The following N4BP2 variants were observed in gnomAD, a reference collection of about 807,000 sequenced individuals.
N4BP2 encodes NEDD4-binding protein 2.
A neutral mutation model predicts 152.8 loss-of-function variants in N4BP2; 91 were observed. That is an observed-to-expected ratio of 0.60 (90% CI 0.50 to 0.71). N4BP2 has a LOEUF of 0.71. Among genes scored for constraint, N4BP2 ranks in the 30% least tolerant of loss-of-function variants. The pLI, the probability that N4BP2 is intolerant of heterozygous loss-of-function variation, is 0.00. For missense variants in N4BP2, 1,923 were observed against 2,059.1 expected (o/e 0.93, Z 1.28); for synonymous variants, 646 against 705.3 (o/e 0.92, Z 1.33).
rs540819078 is a variant in N4BP2 at position 40,095,237 on chromosome 4, C to T, written c.-114-1990C>T. Among the ~76,000 whole-genome samples the T allele has an allele frequency of 4.3e-4, 65 of 152,230 alleles. 1 individual carries two copies. The highest frequency in any genetic ancestry group is 1.4e-3 in the African/African-American group (60 of 41,550). On this transcript the variant is annotated intron_variant, in intron 2 of 17. Coordinates refer to ENST00000261435, the MANE Select transcript of N4BP2 (RefSeq NM_018177.6). Reference sequence around the variant, plus strand: ...CTGGGATTACAGGCCCATGCCACCACGCCTGGCTAATTTTTGTATTTTAGT... The same window carrying T: ...CTGGGATTACAGGCCCATGCCACCATGCCTGGCTAATTTTTGTATTTTAGT...
At chr4:40,141,299 T>C (rs1340494413) in intron 14 of N4BP2, among the ~76,000 whole-genome samples, 1 of 151,476 alleles carries the variant, frequency 6.6e-6, no homozygotes, top group East Asian at 2.0e-4. Flanking sequence ...ACGGGGTGGC[T>C]GCCGGGCGGT....
intron 6 of N4BP2, among the ~76,000 whole-genome samples, 193 bp downstream of exon 6, chr4:40,112,365 T>C (rs1716970567): frequency 6.6e-6 from 1 of 152,206 alleles, no homozygotes; most frequent in Non-Finnish European, 1.5e-5. Context: ...GTTAAAGTTT[T>C]AAATTCTGAA....
chr4:40,084,631 A>AAT (rs1560579513), intron 2 of N4BP2, among the ~76,000 whole-genome samples: 8 of 128,686 alleles, frequency 6.2e-5, no homozygotes, highest in African/African-American at 2.4e-4. Flanking sequence ...TATATATATA[A>AAT]TTTTTTTTTT....
At chr4:40,164,598 G>C in the N4BP2 span, among the ~76,000 whole-genome samples, 1 of 152,160 alleles carries the variant, frequency 6.6e-6, no homozygotes, top group African/African-American at 2.4e-5. Context: ...GTTGAAGAAA[G>C]AATTATAAGG....
intron 2 of N4BP2, among the ~76,000 whole-genome samples, chr4:40,083,560 G>A (rs888184997): frequency 6.6e-6 from 1 of 152,162 alleles, no homozygotes; most frequent in East Asian, 1.9e-4. Context: ...CATGCCAAGC[G>A]AAAGGAGCCA....
the N4BP2 span, among the ~76,000 whole-genome samples, chr4:40,175,861 T>C: frequency 2.9e-5 from 4 of 137,172 alleles, no homozygotes; most frequent in East Asian, 2.1e-4. Context: ...GAGGCCGAGG[T>C]GGGTGGATCA....
At chr4:40,149,091 C>T (rs537003875) in intron 16 of N4BP2, among the ~76,000 whole-genome samples, 31 of 152,240 alleles carry the variant, frequency 2.0e-4, no homozygotes, top group Non-Finnish European at 3.2e-4. Context: ...ACCGTATGAC[C>T]CAGTAATTCT....
intron 5 of N4BP2, among the ~76,000 whole-genome samples, 198 bp downstream of exon 5, chr4:40,107,222 C>T (rs1183533616): frequency 6.6e-6 from 1 of 152,024 alleles, no homozygotes; most frequent in Non-Finnish European, 1.5e-5. Flanking sequence ...CCTTAGCCTC[C>T]CAAGTAGCTG....
intron 11 of N4BP2, 111 bp from the exon 12 acceptor site, chr4:40,126,023 G>A: frequency 1.6e-6 from 1 of 632,372 alleles, no homozygotes; most frequent in Non-Finnish European, 2.5e-6. Context: ...TTTACAAACT[G>A]AAAATTAAAA....
intron 3 of N4BP2, among the ~76,000 whole-genome samples, chr4:40,098,670 C>A (rs1470451763): frequency 1.3e-5 from 2 of 152,150 alleles, no homozygotes; most frequent in Non-Finnish European, 2.9e-5. Flanking sequence ...GTGCATGATG[C>A]TCAGAAATGA....
intron 12 of N4BP2, 23 bp from the exon 13 acceptor site, chr4:40,131,778 T>C (rs1256395332): frequency 1.3e-6 from 2 of 1,546,730 alleles, no homozygotes; most frequent in East Asian, 2.2e-5. Context: ...ATCTTGAACA[T>C]GATTTTTATG....
chr4:40,164,769 T>C, the N4BP2 span, among the ~76,000 whole-genome samples: 1 of 152,218 alleles, frequency 6.6e-6, no homozygotes, highest in Admixed American at 6.5e-5. Flanking sequence ...TTGAAGTTGC[T>C]TCTTGCCTAT....
chr4:40,189,797 G>A, the N4BP2 span, among the ~76,000 whole-genome samples: 10 of 152,188 alleles, frequency 6.6e-5, no homozygotes, highest in South Asian at 2.1e-3. The surrounding 1 kb of genome is among the most constrained non-coding windows in gnomAD (Gnocchi z 4.3). Context: ...GCTGAGGCAG[G>A]AGAATCGCTT....
chr4:40,099,163 T>C (rs1286293692), intron 3 of N4BP2, among the ~76,000 whole-genome samples: 1 of 152,226 alleles, frequency 6.6e-6, no homozygotes, highest in Non-Finnish European at 1.5e-5. Context: ...CAATGAGGTG[T>C]GCTGACTTGT....
Position 40,126,317 on chromosome 4 carries a change from A to T in N4BP2, c.4514A>T (p.Glu1505Val), listed in dbSNP as rs1489742533. ...EIMSEEIALQ[E>V]KHNLKRETLM... ...ATGTCAGAAGAAATTGCCTTACAGG[A>T]AAAACATAATTTGGTATGAATTAAT... Residue 1505 changes from glutamate (E) to valine (V), a missense_variant, in exon 12 of 18, where the codon GAA (glutamate) becomes GTA (valine). Transcript: ENST00000261435. 2 of 1,520,768 alleles carry T rather than the reference A, an allele frequency of 1.3e-6. No homozygotes were observed. Among genetic ancestry groups the T allele is most frequent in the Non-Finnish European group, 8.9e-7 (1 of 1,118,136 alleles). 94.2% of individuals were successfully genotyped at this position (1,520,768 alleles called of 1,614,324 possible).
intron 4 of N4BP2, among the ~76,000 whole-genome samples, chr4:40,104,514 C>T (rs1241557685): frequency 2.0e-5 from 3 of 151,762 alleles, no homozygotes; most frequent in African/African-American, 7.3e-5. Context: ...GACATGTAGG[C>T]TTTTCTAACT....
rs776423803 is a variant in N4BP2, at chr4:40,122,179, T to C, written c.4068T>C (p.Asp1356=). The part of the protein sequence containing the change: ...SSLSAGVSGE[D]KTEILNPTPA... ...TATCAGCTGGAGTTAGTGGGGAAGATAAAACCGAGATATTGAATCCCACTC... is the reference window on the plus strand; with the variant it reads ...TATCAGCTGGAGTTAGTGGGGAAGACAAAACCGAGATATTGAATCCCACTC... The change falls in exon 9 of 18, where the codon GAT becomes GAC. Residue 1356 remains aspartate (D), a synonymous_variant. Coordinates refer to ENST00000261435, the MANE Select transcript of N4BP2 (RefSeq NM_018177.6). The C allele has an allele frequency of 1.3e-5, 21 of 1,613,640 alleles. No homozygotes were observed. In the Middle Eastern group the frequency reaches 4.9e-4, roughly 38 times the overall value.
intron 2 of N4BP2, among the ~76,000 whole-genome samples, chr4:40,076,753 G>A (rs1712780919): frequency 6.6e-6 from 1 of 152,164 alleles, no homozygotes; most frequent in Non-Finnish European, 1.5e-5. Context: ...CTCCCAAAGT[G>A]CTGGGATTAC....
intron 2 of N4BP2, among the ~76,000 whole-genome samples, chr4:40,091,531 A>T (rs1035824528): frequency 6.7e-6 from 1 of 149,546 alleles, no homozygotes; most frequent in Non-Finnish European, 1.5e-5. Flanking sequence ...ATGGTGGATT[A>T]TACTGATTTT....
Sources: gnomAD v4.1 joint callset for allele counts (sites outside exome capture counted in the v4.1 genomes callset) on GRCh38, gnomAD v4.1.1 for gene constraint, Gnocchi (gnomAD v3.1) non-coding constraint, MANE v1.5 for transcripts, NCBI Gene and HGNC (gene_info 2026-07-23, HGNC 2026-07-21) for gene names.